CCN6: variants seen among roughly 807,000 people sequenced by gnomAD.
CCN6 encodes CCN family member 6.
In CCN6, 31 loss-of-function variants were observed where a neutral mutation model predicts 37.4. That is an observed-to-expected ratio of 0.83 (90% CI 0.62 to 1.12). The LOEUF (loss-of-function observed/expected upper bound fraction) is 1.12. Ranked by LOEUF, CCN6 falls within the 50% of genes most tolerant of loss-of-function variation. The pLI is 0.00. For synonymous variants in CCN6, 137 were observed against 142.1 expected (o/e 0.96, Z 0.26); for missense variants, 369 against 413.8 (o/e 0.89, Z 0.94).
intron 2 of CCN6, among the ~76,000 whole-genome samples, chr6:112,063,150 A>G (rs976431815): frequency 2.6e-5 from 4 of 152,196 alleles, no homozygotes; most frequent in Admixed American, 6.5e-5. Flanking sequence ...GCTTCTTTCA[A>G]TCTGTTACTA....
intron 3 of CCN6, chr6:112,066,842 T>G: frequency 1.5e-6 from 1 of 667,786 alleles, no homozygotes; most frequent in Non-Finnish European, 2.2e-6. Context: ...ACACTAAGCT[T>G]TGTTTAAAAA....
upstream of CCN6, among the ~76,000 whole-genome samples, chr6:112,053,473 C>CT (rs1308722373): frequency 3.9e-3 from 549 of 139,820 alleles, 3 homozygotes; most frequent in East Asian, 6.2e-3. Flanking sequence ...ATTTTTGTGT[C>CT]TTTTTTTTTT....
intron 1 of CCN6, among the ~76,000 whole-genome samples, chr6:112,055,974 A>G (rs1776338225): frequency 6.6e-6 from 1 of 152,200 alleles, no homozygotes; most frequent in Non-Finnish European, 1.5e-5. Flanking sequence ...AGGAGATCAA[A>G]TGATGGGAAG....
At chr6:112,058,037 C>A (rs1554312102) in intron 1 of CCN6, among the ~76,000 whole-genome samples, 1 of 152,196 alleles carries the variant, frequency 6.6e-6, no homozygotes, top group East Asian at 1.9e-4. Context: ...GTGGCTATAG[C>A]TGAACCTGTG....
intron 1 of CCN6, chr6:112,060,164 T>C (rs1397320200): frequency 2.3e-6 from 3 of 1,316,800 alleles, no homozygotes; most frequent in Middle Eastern, 3.0e-4. Flanking sequence ...GCACTTTGAA[T>C]TTTACATGGA....
intron 1 of CCN6, among the ~76,000 whole-genome samples, chr6:112,057,573 T>C (rs1044534972): frequency 1.3e-5 from 2 of 152,142 alleles, no homozygotes; most frequent in Non-Finnish European, 2.9e-5. Context: ...CTCCAAACTT[T>C]GAAGAGTGAA....
chr6:112,055,451 A>C (rs1776319237), intron 1 of CCN6, among the ~76,000 whole-genome samples: 1 of 152,238 alleles, frequency 6.6e-6, no homozygotes, highest in Non-Finnish European at 1.5e-5. Context: ...AAGGTGTTAC[A>C]CAAAGAGCGG....
chr6:112,053,041 G>A (rs1776252600), upstream of CCN6, among the ~76,000 whole-genome samples: 1 of 152,206 alleles, frequency 6.6e-6, no homozygotes, highest in Non-Finnish European at 1.5e-5. Flanking sequence ...GCAGGAAAAG[G>A]AGGGATAGGT....
At position 112,068,258 on chromosome 6, in the gene CCN6, A is replaced by G; in HGVS notation, c.643A>G (p.Lys215Glu). ...WKKKCLVQAT[K>E]WTPCSRTCGM... The stretch of plus-strand genomic sequence containing the variant: ...AAAAAAATGTCTTGTGCAAGCAACA[A>G]AATGGACTCCCTGCTCCAGAACATG... Residue 215 changes from lysine (K) to glutamate (E), a missense_variant, in exon 4 of 5, where the codon AAA becomes GAA. Coordinates refer to ENST00000368666, the MANE Select transcript of CCN6 (RefSeq NM_198239.2). 6.2e-7 allele frequency: 1 copy of G among 1,610,840 alleles called. No homozygotes were observed. The highest frequency in any genetic ancestry group is 8.5e-7 in the Non-Finnish European group (1 of 1,179,038).
Position 112,068,292 on chromosome 6 carries a change from G to T in CCN6, c.677G>T (p.Gly226Val). The T allele has an allele frequency of 1.2e-6, 2 of 1,613,268 alleles. No individual in the cohort carries two copies. Among genetic ancestry groups the T allele is most frequent in the South Asian group, 1.1e-5 (1 of 90,954 alleles). ...WTPCSRTCGMGISNRVTNENS... is the reference protein window; with the variant it reads ...WTPCSRTCGMVISNRVTNENS... ...CCCTGCTCCAGAACATGTGGGATGG[G>T]AATATCTAACAGGGTGACCAATGAA... The change falls in exon 4 of 5, where the codon GGA becomes GTA. Residue 226 changes from glycine (G) to valine (V), a missense_variant. Physicochemically the swap from Gly to Val is moderately radical, Grantham distance 109. Transcript: ENST00000368666.
chr6:112,066,336 CTT>C lies in CCN6; in HGVS notation c.589+1340_589+1341del, dbSNP rs587746089. ...GATTTTAGTCATTCAGTATAAGGCT[CTT>C]AGAACCCACACATAAACTTCCCTGG... On this transcript the variant is annotated intron_variant, in intron 3 of 4. Transcript: ENST00000368666. Among the ~76,000 whole-genome samples, 304 of 151,878 alleles carry C rather than the reference CTT, an allele frequency of 2.0e-3. 1 individual carries two copies. The highest frequency in any genetic ancestry group is 7.1e-3 in the African/African-American group (294 of 41,372).
Position 112,060,989 on chromosome 6 carries a change from AG to A in CCN6, c.49-1del. ...TAACATCACCTTTATTATCAAATGA[AG>A]TTCTGCTGCAGGGTACAGGGCACTG... On this transcript the variant is annotated splice_acceptor_variant, in intron 1 of 4. Coordinates refer to ENST00000368666, the MANE Select transcript of CCN6 (RefSeq NM_198239.2). LOFTEE classifies it high-confidence loss of function. 2 of 1,614,068 alleles carry A rather than the reference AG, an allele frequency of 1.2e-6. No individual in the cohort carries two copies. The highest frequency in any genetic ancestry group is 1.7e-6 in the Non-Finnish European group (2 of 1,180,020).
intron 1 of CCN6, among the ~76,000 whole-genome samples, chr6:112,055,067 G>A (rs1776306554): frequency 6.6e-6 from 1 of 152,160 alleles, no homozygotes. Context: ...TGACTTAATT[G>A]TTGATTTATT....
chr6:112,057,016 T>G (rs1270901578), intron 1 of CCN6, among the ~76,000 whole-genome samples: 1 of 152,262 alleles, frequency 6.6e-6, no homozygotes, highest in African/African-American at 2.4e-5. Context: ...TCCTTGGATT[T>G]CAACAGTGTT....
In CCN6 at chr6:112,061,237, T is replaced by C; in HGVS notation, c.295T>C (p.Tyr99His). 1 of 1,614,188 alleles carries C rather than the reference T, an allele frequency of 6.2e-7. No homozygotes were observed. The highest frequency in any genetic ancestry group is 8.5e-7 in the Non-Finnish European group (1 of 1,180,020). ...CCTCTGTGACCCACACAAAGGGCTG[T>C]ATTGTGACTACTCAGTAGACAGGCC... ...ADLCDPHKGL[Y>H]CDYSVDRPRY... Residue 99 changes from tyrosine to histidine, a missense_variant, in exon 2 of 5, where the codon TAT (tyrosine) becomes CAT (histidine). Transcript: ENST00000368666.
chr6:112,057,496 G>C (rs1776382501), intron 1 of CCN6, among the ~76,000 whole-genome samples: 1 of 152,180 alleles, frequency 6.6e-6, no homozygotes. Context: ...ATACATAGGA[G>C]AGGGTCACTG....
At chr6:112,061,416 C>A in intron 2 of CCN6, 128 bp downstream of exon 2, 2 of 1,162,008 alleles carry the variant, frequency 1.7e-6, no homozygotes, top group Non-Finnish European at 1.3e-6. Flanking sequence ...TTTTCATGCA[C>A]CAGTGGGACT....
At position 112,064,961 on chromosome 6, in the gene CCN6, C is replaced by T. The variant is rs782782559; in HGVS notation, c.553C>T (p.Leu185=). 2.5e-6 allele frequency: 4 copies of T among 1,614,026 alleles called. No homozygotes were observed. The Admixed American group carries it at 5.0e-5, about 20-fold the overall frequency. Residue 185 remains leucine, a synonymous_variant, in exon 3 of 5, where the codon CTA becomes TTA. Transcript: ENST00000368666. ...DQSNCSLEPL[L]QQLSTSYKTM... Reference sequence around the variant, plus strand: ...GTCAAACTGTAGCCTGGAACCATTACTACAGCAGCTTTCAACAAGCTACAA... The same window carrying T: ...GTCAAACTGTAGCCTGGAACCATTATTACAGCAGCTTTCAACAAGCTACAA...
intron 2 of CCN6, 199 bp downstream of exon 2, chr6:112,061,487 A>G: frequency 1.5e-6 from 1 of 646,952 alleles, no homozygotes; most frequent in Non-Finnish European, 2.7e-6. Flanking sequence ...TCAGAAGCCC[A>G]TTATTTTCAT....
Sources: allele counts gnomAD v4.1 joint callset (sites outside exome capture counted in the v4.1 genomes callset), GRCh38; gene constraint gnomAD v4.1.1; transcripts MANE v1.5; gene names NCBI Gene and HGNC (gene_info 2026-07-23, HGNC 2026-07-21).